The following PSD3 variants were observed in gnomAD, a reference collection of about 807,000 sequenced individuals.
The protein encoded by PSD3 is pleckstrin and Sec7 domain containing 3, also known as PH and SEC7 domain-containing protein 3.
In PSD3, 49 loss-of-function variants were observed where a neutral mutation model predicts 105.5. The observed-to-expected ratio is 0.46, with a 90% CI of 0.37 to 0.59. The LOEUF is 0.59. Among genes scored for constraint, PSD3 ranks in the 20% least tolerant of loss-of-function variants. The pLI is 0.00. For synonymous variants in PSD3, 557 were observed against 457.8 expected (o/e 1.22, Z -2.77); for missense variants, 1,561 against 1,263.8 (o/e 1.24, Z -3.57).
At chr8:18,781,978 A>G (rs1262725492) in intron 8 of PSD3, among the ~76,000 whole-genome samples, 1 of 151,744 alleles carries the variant, frequency 6.6e-6, no homozygotes, top group Non-Finnish European at 1.5e-5. Flanking sequence ...TGTTATTGAA[A>G]CTGATGATTA....
intron 14 of PSD3, among the ~76,000 whole-genome samples, chr8:18,564,109 TTC>T (rs1164239889): frequency 2.5e-5 from 3 of 119,040 alleles, no homozygotes; most frequent in African/African-American, 6.8e-5. Context: ...AGTTTTCTTC[TTC>T]TTTTTTTTTT....
intron 4 of PSD3, among the ~76,000 whole-genome samples, chr8:18,855,772 C>T (rs1041273641): frequency 2.0e-5 from 3 of 152,158 alleles, no homozygotes; most frequent in Admixed American, 2.0e-4. Flanking sequence ...GGTTACTTCA[C>T]TACGTAGGGA....
chr8:18,919,498 G>A (rs1197002741), intron 2 of PSD3, among the ~76,000 whole-genome samples: 2 of 151,960 alleles, frequency 1.3e-5, no homozygotes, highest in Non-Finnish European at 2.9e-5. Context: ...AGAATTACTG[G>A]AGTGAGGTTC....
intron 10 of PSD3, among the ~76,000 whole-genome samples, chr8:18,651,232 C>G (rs979659032): frequency 3.9e-5 from 6 of 152,178 alleles, no homozygotes; most frequent in Admixed American, 6.5e-5. Flanking sequence ...CTCCCTGTAA[C>G]CCAAGGTTAC....
chr8:18,896,138 T>C (rs1181933445), intron 2 of PSD3, among the ~76,000 whole-genome samples: 1 of 152,262 alleles, frequency 6.6e-6, no homozygotes, highest in Non-Finnish European at 1.5e-5. Flanking sequence ...TTGCCATGAA[T>C]AACAGAATTT....
chr8:18,577,432 T>A lies in PSD3; in HGVS notation c.2482-2147A>T, dbSNP rs545460947. On this transcript the variant is annotated intron_variant, in intron 12 of 15. Coordinates refer to ENST00000327040, the MANE Select transcript of PSD3 (RefSeq NM_015310.4). ...TTGACTCGGTTCCTCTGCCCTTACA[T>A]CATTTTTTCTACTAGTTTATCCCCT... 4.8e-4 allele frequency among the ~76,000 whole-genome samples: 73 copies of A among 152,062 alleles called. 1 individual carries two copies. Among genetic ancestry groups the A allele is most frequent in the African/African-American group, 1.7e-3 (70 of 41,452 alleles).
intron 11 of PSD3, among the ~76,000 whole-genome samples, chr8:18,609,257 A>G (rs1480045818): frequency 6.6e-6 from 1 of 152,240 alleles, no homozygotes; most frequent in Non-Finnish European, 1.5e-5. Flanking sequence ...CCTCACCAAG[A>G]GTCTTGGCGT....
intron 9 of PSD3, among the ~76,000 whole-genome samples, chr8:18,658,886 A>G (rs557288794): frequency 3.3e-5 from 5 of 152,064 alleles, no homozygotes; most frequent in Admixed American, 6.6e-5. Context: ...TACCCCAACC[A>G]TCTGCAGTCC....
At chr8:18,941,638 A>G (rs1822546315) in intron 1 of PSD3, among the ~76,000 whole-genome samples, 1 of 151,878 alleles carries the variant, frequency 6.6e-6, no homozygotes, top group Admixed American at 6.6e-5. Flanking sequence ...TTTTAGACAC[A>G]AGATAAGCAC....
intron 1 of PSD3, among the ~76,000 whole-genome samples, chr8:19,083,465 T>C (rs997864386): frequency 6.6e-6 from 1 of 152,114 alleles, no homozygotes; most frequent in Non-Finnish European, 1.5e-5. Flanking sequence ...GGAAAAGACC[T>C]TGGAGGCCAC....
intron 9 of PSD3, among the ~76,000 whole-genome samples, chr8:18,677,735 G>A (rs1038973767): frequency 1.3e-5 from 2 of 152,146 alleles, no homozygotes; most frequent in Non-Finnish European, 2.9e-5. Context: ...ATGTTGACTG[G>A]GCACGGTGGC....
chr8:18,907,006 A>C (rs1819891740), intron 2 of PSD3, among the ~76,000 whole-genome samples: 1 of 152,356 alleles, frequency 6.6e-6, no homozygotes, highest in South Asian at 2.1e-4. Flanking sequence ...TTATAGAATA[A>C]GAAAATAAGG....
Position 18,588,007 on chromosome 8 carries a change from T to C in PSD3, c.2481+12357A>G, listed in dbSNP as rs570609336. On this transcript the variant is annotated intron_variant, in intron 12 of 15. Coordinates refer to ENST00000327040, the MANE Select transcript of PSD3 (RefSeq NM_015310.4). Reference sequence around the variant, plus strand: ...AGTAACTCCCTGTAGGATGCACACATCACCAGGATTAGCCCTTAACACATG... The same window carrying C: ...AGTAACTCCCTGTAGGATGCACACACCACCAGGATTAGCCCTTAACACATG... Among the ~76,000 whole-genome samples, 3 of 152,270 alleles carry C rather than the reference T, an allele frequency of 2.0e-5. No homozygotes were observed. In the East Asian group the frequency reaches 5.8e-4, roughly 29 times the overall value.
At chr8:18,967,620 C>G (rs755547616) in intron 1 of PSD3, among the ~76,000 whole-genome samples, 7 of 152,244 alleles carry the variant, frequency 4.6e-5, no homozygotes, top group East Asian at 3.9e-4. Context: ...ATCTTAGAAC[C>G]TTTGACCATC....
intron 1 of PSD3, among the ~76,000 whole-genome samples, chr8:18,968,244 A>T (rs1266649587): frequency 6.6e-6 from 1 of 152,222 alleles, no homozygotes. Context: ...TCCAACTCAG[A>T]AAACCTCCCT....
rs73591527 is a variant in PSD3 at position 18,681,943 on chromosome 8, C to T, written c.2173-26258G>A. Among the ~76,000 whole-genome samples, 1,470 of 151,754 alleles carry T rather than the reference C, an allele frequency of 9.7e-3. 33 individuals carry two copies. The highest frequency in any genetic ancestry group is 0.034 in the African/African-American group (1,415 of 41,324). ...CTTTAAGGTATCATGTGATGGCCTA[C>T]TGACTACAGTTCTACCAGTGGCCTT... On this transcript the variant is annotated intron_variant, in intron 9 of 15. Coordinates refer to ENST00000327040, the MANE Select transcript of PSD3 (RefSeq NM_015310.4).
At chr8:18,675,399 T>C (rs1800012705) in intron 9 of PSD3, among the ~76,000 whole-genome samples, 2 of 152,200 alleles carry the variant, frequency 1.3e-5, no homozygotes, top group Non-Finnish European at 1.5e-5. Flanking sequence ...ATCTTATTTA[T>C]TTACTGGAAT....
At chr8:19,084,263 A>G (rs1260476798) in exon 1 of PSD3, 1 of 456,042 alleles carries the variant, frequency 2.2e-6, no homozygotes, top group South Asian at 1.5e-5. Flanking sequence ...GCACAGCTGG[A>G]CAGTACCTGT....
At chr8:18,947,452 C>T (rs1331789723) in intron 1 of PSD3, among the ~76,000 whole-genome samples, 1 of 152,212 alleles carries the variant, frequency 6.6e-6, no homozygotes, top group East Asian at 1.9e-4. Flanking sequence ...ACCAGCTGCT[C>T]TCTTCACTCT....
Sources: allele counts gnomAD v4.1 joint callset (sites outside exome capture counted in the v4.1 genomes callset), GRCh38; gene constraint gnomAD v4.1.1; transcripts MANE v1.5; gene names NCBI Gene and HGNC (gene_info 2026-07-23, HGNC 2026-07-21).